Variants in GRIA3 observed in about 807,000 individuals in gnomAD.
The protein encoded by GRIA3 is glutamate receptor 3.
GRIA3 carries 3 observed loss-of-function variants against 63.0 expected under a neutral mutation model. The ratio of observed to expected loss-of-function variants is 0.05; its 90% CI spans 0.02 to 0.12. GRIA3 has a LOEUF of 0.12. Among genes scored for constraint, GRIA3 ranks in the 10% least tolerant of loss-of-function variants. GRIA3 has a pLI of 1.00. For synonymous variants in GRIA3, 274 were observed against 257.9 expected, an observed-to-expected ratio of 1.06 and a Z score of -0.60; for missense variants, 347 against 700.9, an observed-to-expected ratio of 0.50 and a Z score of 5.70.
chrX:123,412,521 T>A (rs2045512803), intron 10 of GRIA3, among the ~76,000 whole-genome samples: 1 of 111,589 alleles, frequency 9.0e-6, no homozygotes, highest in Non-Finnish European at 1.9e-5. Flanking sequence ...AAACTGCCTG[T>A]GGGAATAGTG....
intron 6 of GRIA3, 121 bp downstream of exon 6, chrX:123,395,250 G>A: frequency 1.6e-6 from 1 of 642,977 alleles, no homozygotes; most frequent in Non-Finnish European, 2.5e-6. Flanking sequence ...ATTCAAAGAT[G>A]CCACAAAACA....
chrX:123,378,138 C>A (rs1168271139), intron 5 of GRIA3, among the ~76,000 whole-genome samples: 1 of 111,433 alleles, frequency 9.0e-6, no homozygotes, highest in African/African-American at 3.3e-5. Flanking sequence ...CCTCTGTGTT[C>A]AATCTTGTGG....
chrX:123,439,114 C>T (rs939972804), intron 12 of GRIA3, among the ~76,000 whole-genome samples: 1 of 112,022 alleles, frequency 8.9e-6, no homozygotes, highest in Non-Finnish European at 1.9e-5. Context: ...TTAGTGGCCC[C>T]GACTTTTAGC....
intron 9 of GRIA3, 121 bp from the exon 10 acceptor site, chrX:123,404,587 A>C (rs2045462014): frequency 3.9e-6 from 2 of 517,706 alleles, no homozygotes; most frequent in Non-Finnish European, 6.8e-6. Context: ...CTAAGTAACA[A>C]TTTAAAGGCC....
At chrX:123,287,041 CAGCACATCAAAA>C (rs2044624773) in intron 3 of GRIA3, among the ~76,000 whole-genome samples, 1 of 111,834 alleles carries the variant, frequency 8.9e-6, no homozygotes, top group Non-Finnish European at 1.9e-5. Context: ...CCAAATCCAG[CAGCACATCAAAA>C]AGCTTATCCA....
At chrX:123,462,336 A>G (rs755696892) in intron 12 of GRIA3, among the ~76,000 whole-genome samples, 2 of 111,846 alleles carry the variant, frequency 1.8e-5, no homozygotes, top group South Asian at 7.6e-4. Context: ...ACCATGACCT[A>G]CAGGGCCCTA....
chrX:123,408,448 G>A (rs2045487546), intron 10 of GRIA3, among the ~76,000 whole-genome samples: 1 of 112,103 alleles, frequency 8.9e-6, no homozygotes, highest in South Asian at 3.7e-4. Context: ...TATTGACATT[G>A]TTCAGACAAA....
chrX:123,275,641 C>T (rs1442875586), intron 3 of GRIA3, among the ~76,000 whole-genome samples: 1 of 112,169 alleles, frequency 8.9e-6, no homozygotes, highest in Non-Finnish European at 1.9e-5. Context: ...CCACTGGGCT[C>T]TTGAAAGTAT....
In GRIA3 at chrX:123,225,706, A is replaced by G. The variant is rs189747654; in HGVS notation, c.269-27597A>G. On this transcript the variant is annotated intron_variant, in intron 2 of 15. Coordinates refer to ENST00000620443, the MANE Select transcript of GRIA3 (RefSeq NM_007325.5). The stretch of plus-strand genomic sequence containing the variant: ...AATTAATGTGATAATTATTTAATAC[A>G]CCAAGCAATAACTTTTAAGGTGTAA... 6.6e-3 allele frequency among the ~76,000 whole-genome samples: 736 copies of G among 111,904 alleles called. 6 individuals are homozygous for G. The highest frequency in any genetic ancestry group is 0.023 in the African/African-American group (705 of 30,826).
intron 10 of GRIA3, among the ~76,000 whole-genome samples, chrX:123,416,974 T>C (rs2045539858): frequency 8.9e-6 from 1 of 112,158 alleles, no homozygotes; most frequent in African/African-American, 3.2e-5. Context: ...GAAGCAGATA[T>C]AAGAAGTATA....
intron 2 of GRIA3, among the ~76,000 whole-genome samples, chrX:123,221,930 G>A (rs2044221582): frequency 9.0e-6 from 1 of 111,665 alleles, no homozygotes; most frequent in African/African-American, 3.3e-5. Context: ...ACCCTTGGGT[G>A]ATAGTGAAAC....
At chrX:123,197,298 G>A (rs192810951) in intron 2 of GRIA3, among the ~76,000 whole-genome samples, 3 of 112,015 alleles carry the variant, frequency 2.7e-5, no homozygotes, top group Non-Finnish European at 5.6e-5. Flanking sequence ...GACCAAGGCC[G>A]GAGATCACCT....
chrX:123,442,698 C>A (rs2045681760), intron 12 of GRIA3, among the ~76,000 whole-genome samples: 1 of 111,673 alleles, frequency 9.0e-6, no homozygotes, highest in Non-Finnish European at 1.9e-5. Context: ...GGGTCTCATG[C>A]CCCACCTCAA....
intron 3 of GRIA3, among the ~76,000 whole-genome samples, chrX:123,307,823 G>A (rs2044764677): frequency 9.0e-6 from 1 of 111,440 alleles, no homozygotes; most frequent in South Asian, 3.9e-4. Context: ...CTCCATGGCT[G>A]ATAGGAAAGG....
chrX:123,433,986 A>G (rs1339231802), intron 12 of GRIA3, among the ~76,000 whole-genome samples: 1 of 111,953 alleles, frequency 8.9e-6, no homozygotes, highest in African/African-American at 3.3e-5. Context: ...TAGCATTTCG[A>G]TTCTGCTTAC....
At chrX:123,194,528 T>C (rs1481217737) in intron 2 of GRIA3, among the ~76,000 whole-genome samples, 1 of 111,882 alleles carries the variant, frequency 8.9e-6, no homozygotes. Flanking sequence ...TGTTAAACAT[T>C]CTCAAATATC....
At chrX:123,186,093 A>G in intron 2 of GRIA3, 103 bp downstream of exon 2, 1 of 677,578 alleles carries the variant, frequency 1.5e-6, no homozygotes. Flanking sequence ...TGATTGCTTC[A>G]GTAGATATTT....
chrX:123,226,738 A>T (rs763025611), intron 2 of GRIA3, among the ~76,000 whole-genome samples: 33 of 111,901 alleles, frequency 2.9e-4, no homozygotes, highest in African/African-American at 9.7e-4. Context: ...TAATAATTAA[A>T]AGGCAGAGAG....
chrX:123,249,634 G>C (rs2044378152), intron 2 of GRIA3, among the ~76,000 whole-genome samples: 1 of 111,665 alleles, frequency 9.0e-6, no homozygotes, highest in Non-Finnish European at 1.9e-5. Context: ...TTGTACTTCT[G>C]TTTTATATGA....
Sources: gnomAD v4.1 joint callset for allele counts (sites outside exome capture counted in the v4.1 genomes callset) on GRCh38, gnomAD v4.1.1 for gene constraint, MANE v1.5 for transcripts, NCBI Gene and HGNC (gene_info 2026-07-23, HGNC 2026-07-21) for gene names.